Variants in PRMT8 observed in about 807,000 individuals in gnomAD.
The protein encoded by PRMT8 is protein arginine methyltransferase 8, also known as protein arginine N-methyltransferase 8.
A neutral mutation model predicts 47.1 loss-of-function variants in PRMT8; 7 were observed. That is an observed-to-expected ratio of 0.15 (90% CI 0.08 to 0.28). The LOEUF (loss-of-function observed/expected upper bound fraction) is 0.28. Among genes scored for constraint, PRMT8 ranks in the 10% least tolerant of loss-of-function variants. The pLI is 1.00. For synonymous variants in PRMT8, 188 were observed against 186.5 expected (o/e 1.01, Z -0.07); for missense variants, 237 against 505.4 (o/e 0.47, Z 5.09).
At chr12:3,410,631 C>T (rs1323046154) in intron 1 of PRMT8, among the ~76,000 whole-genome samples, 1 of 152,204 alleles carries the variant, frequency 6.6e-6, no homozygotes, top group Non-Finnish European at 1.5e-5. Flanking sequence ...GCCTCAGCCT[C>T]CCACACAGCT....
intron 1 of PRMT8, among the ~76,000 whole-genome samples, chr12:3,471,891 C>A (rs1275275764): frequency 6.6e-6 from 1 of 151,820 alleles, no homozygotes; most frequent in African/African-American, 2.4e-5. Flanking sequence ...GAGGGGCTTT[C>A]TCTGCTTACA....
intron 4 of PRMT8, among the ~76,000 whole-genome samples, chr12:3,559,164 C>T (rs765029420): frequency 4.6e-5 from 7 of 152,136 alleles, no homozygotes; most frequent in South Asian, 2.1e-4. Flanking sequence ...CTACTTGCTT[C>T]GATACTCAAA....
At chr12:3,565,216 C>T (rs986944572) in intron 4 of PRMT8, among the ~76,000 whole-genome samples, 9 of 152,054 alleles carry the variant, frequency 5.9e-5, no homozygotes, top group African/African-American at 1.9e-4. Context: ...TTTGAAGAAC[C>T]GCAGCTTTCT....
At chr12:3,510,732 C>T (rs970401707) in intron 1 of PRMT8, among the ~76,000 whole-genome samples, 1 of 152,168 alleles carries the variant, frequency 6.6e-6, no homozygotes, top group African/African-American at 2.4e-5. Flanking sequence ...TGTACCCCAC[C>T]CCACTTTCTT....
chr12:3,456,834 A>G lies in PRMT8; in HGVS notation c.48+75392A>G, dbSNP rs1864978550. On this transcript the variant is annotated intron_variant, in intron 1 of 9. Transcript: ENST00000452611. The surrounding 1 kb of genome is among the most constrained non-coding windows in gnomAD (Gnocchi z 4.2). ...GAGAATCGAACCCCTCTAGCCAGGA[A>G]AGCAGATCAACAACAGAACAGCACC... Among the ~76,000 whole-genome samples the G allele has an allele frequency of 6.6e-6, 1 of 152,182 alleles. No homozygotes were observed. The highest frequency in any genetic ancestry group is 6.5e-5 in the Admixed American group (1 of 15,292).
chr12:3,383,076 C>G (rs1864107958), intron 1 of PRMT8, among the ~76,000 whole-genome samples: 1 of 152,198 alleles, frequency 6.6e-6, no homozygotes, highest in Non-Finnish European at 1.5e-5. Context: ...TGTGTCTATC[C>G]TTCCACCAGT....
intron 4 of PRMT8, among the ~76,000 whole-genome samples, chr12:3,563,287 G>A (rs76714138): frequency 0.016 from 2,449 of 152,146 alleles, 29 homozygotes; most frequent in Middle Eastern, 0.034. Context: ...AAGAGAGCCA[G>A]AGCGGGCTAG....
chr12:3,470,382 C>A (rs1465544683), intron 1 of PRMT8, among the ~76,000 whole-genome samples: 1 of 152,178 alleles, frequency 6.6e-6, no homozygotes, highest in East Asian at 1.9e-4. Flanking sequence ...CAGGACAGTG[C>A]TGAGTCCAGG....
intron 1 of PRMT8, among the ~76,000 whole-genome samples, chr12:3,518,849 C>T (rs1865834405): frequency 6.6e-6 from 1 of 152,130 alleles, no homozygotes; most frequent in Non-Finnish European, 1.5e-5. Flanking sequence ...AATCCAGAAA[C>T]CCAGTAGGGC....
intron 1 of PRMT8, among the ~76,000 whole-genome samples, chr12:3,506,543 C>G (rs1332283453): frequency 3.3e-5 from 5 of 152,154 alleles, no homozygotes; most frequent in African/African-American, 1.2e-4. Context: ...GGGCCCATTA[C>G]AGGAGGAACA....
chr12:3,427,015 T>C (rs1463141526), intron 1 of PRMT8, among the ~76,000 whole-genome samples: 2 of 152,124 alleles, frequency 1.3e-5, no homozygotes, highest in Non-Finnish European at 2.9e-5. Context: ...TTTTAAGAAA[T>C]TGACCTTTTG....
Position 3,576,777 on chromosome 12 carries a change from A to T in PRMT8, c.713-94A>T. 7.6e-6 allele frequency: 7 copies of T among 918,360 alleles called. No individual in the cohort carries two copies. The highest frequency in any genetic ancestry group is 1.2e-5 in the Non-Finnish European group (7 of 577,002). 56.9% of individuals were successfully genotyped at this position (918,360 alleles called of 1,614,324 possible). A position where few individuals can be genotyped will look rare whatever the true frequency, so the allele number is the denominator to read the frequency against. ...TGCAAGGGAACTCGAGCTGCCACTC[A>T]GCCCTCAGGCACGCTGTGCTCTAGG... On this transcript the variant is annotated intron_variant, in intron 6 of 9. Transcript: ENST00000382622. The surrounding 1 kb of genome is among the most constrained non-coding windows in gnomAD (Gnocchi z 4.0).
intron 1 of PRMT8, among the ~76,000 whole-genome samples, chr12:3,446,213 T>C (rs1864853672): frequency 6.6e-6 from 1 of 152,162 alleles, no homozygotes; most frequent in Non-Finnish European, 1.5e-5. Context: ...AAATCCTTTA[T>C]GTTAGGTGGC....
chr12:3,467,298 G>A (rs1259202126), intron 1 of PRMT8, among the ~76,000 whole-genome samples: 2 of 149,110 alleles, frequency 1.3e-5, no homozygotes, highest in Non-Finnish European at 3.0e-5. Flanking sequence ...GAGTTCACAC[G>A]GCAGTGAGGA....
At chr12:3,445,661 G>A (rs1864848646) in intron 1 of PRMT8, among the ~76,000 whole-genome samples, 1 of 152,150 alleles carries the variant, frequency 6.6e-6, no homozygotes, top group Non-Finnish European at 1.5e-5. Flanking sequence ...AAGGCATGAA[G>A]AGAAAAGGTT....
chr12:3,563,265 C>T (rs1298742621), intron 4 of PRMT8, among the ~76,000 whole-genome samples: 1 of 151,978 alleles, frequency 6.6e-6, no homozygotes, highest in African/African-American at 2.4e-5. Flanking sequence ...GCACGTTGGG[C>T]CCTGAGCCCT....
In PRMT8 at chr12:3,576,310, G is replaced by A. The variant is rs1866943800; in HGVS notation, c.713-561G>A. Among the ~76,000 whole-genome samples the A allele has an allele frequency of 6.6e-6, 1 of 152,200 alleles. No individual in the cohort carries two copies. The highest frequency in any genetic ancestry group is 6.5e-5 in the Admixed American group (1 of 15,290). ...GAGAGGTTAGGTCATTTGTACAAAG[G>A]CTGACCAGTAAGTGGTGGTGCTGGA... is the stretch of plus-strand genomic sequence containing the variant. On this transcript the variant is annotated intron_variant, in intron 6 of 9. Transcript: ENST00000382622. The surrounding 1 kb of genome is among the most constrained non-coding windows in gnomAD (Gnocchi z 4.0).
intron 1 of PRMT8, among the ~76,000 whole-genome samples, chr12:3,402,702 C>G (rs575277301): frequency 2.0e-5 from 3 of 152,254 alleles, no homozygotes; most frequent in South Asian, 4.1e-4. Flanking sequence ...ATTTGGCCAA[C>G]AAACATATGA....
At chr12:3,449,809 GT>G in intron 1 of PRMT8, among the ~76,000 whole-genome samples, 1 of 152,268 alleles carries the variant, frequency 6.6e-6, no homozygotes, top group East Asian at 1.9e-4. Context: ...GCCCCTGCCT[GT>G]GTCCTGAATG....
Sources: gnomAD v4.1 joint callset for allele counts (sites outside exome capture counted in the v4.1 genomes callset) on GRCh38, gnomAD v4.1.1 for gene constraint, Gnocchi (gnomAD v3.1) non-coding constraint, MANE v1.5 for transcripts, NCBI Gene and HGNC (gene_info 2026-07-23, HGNC 2026-07-21) for gene names.